Variants in ODAD1 observed in about 807,000 individuals in gnomAD.
ODAD1 encodes outer dynein arm-docking complex subunit 1.
ODAD1 carries 49 observed loss-of-function variants against 67.2 expected under a neutral mutation model. The observed-to-expected ratio is 0.73, with a 90% CI of 0.58 to 0.92. The LOEUF (loss-of-function observed/expected upper bound fraction) is 0.92, where lower values mean the gene tolerates loss of function less well. Ranked by LOEUF, ODAD1 falls within the 40% of genes least tolerant of loss-of-function variation. The pLI is 0.00. For missense variants in ODAD1, 897 were observed against 953.7 expected (o/e 0.94, Z 0.78); for synonymous variants, 345 against 393.7 (o/e 0.88, Z 1.46).
intron 8 of ODAD1, among the ~76,000 whole-genome samples, chr19:48,304,890 T>C (rs1968565287): frequency 7.2e-6 from 1 of 139,148 alleles, no homozygotes; most frequent in African/African-American, 3.0e-5. Flanking sequence ...CGGTGGCAGG[T>C]AGTTTTCCTT....
Position 48,296,998 on chromosome 19 carries a change from G to A in ODAD1, c.2102C>T (p.Thr701Ile). 2 of 1,606,388 alleles carry A rather than the reference G, an allele frequency of 1.2e-6. No homozygotes were observed. Among genetic ancestry groups the A allele is most frequent in the South Asian group, 1.1e-5 (1 of 90,562 alleles). The change falls in exon 16 of 16, where the codon ACC becomes ATC. Residue 701 changes from threonine (T) to isoleucine (I), a missense_variant. Physicochemically the swap from Thr to Ile is moderately conservative, Grantham distance 89. Coordinates refer to ENST00000674294, the MANE Select transcript of ODAD1 (RefSeq NM_001364171.2). ...PASSTGPGSS[T>I]SKDSRG ...GTGTTAGCCCCGGGAGTCTTTGCTGGTGGAGGAGCCCGGGCCAGTGCTGGA... is the reference window on the plus strand; with the variant it reads ...GTGTTAGCCCCGGGAGTCTTTGCTGATGGAGGAGCCCGGGCCAGTGCTGGA...
chr19:48,301,998 T>C (rs558867074), intron 12 of ODAD1, among the ~76,000 whole-genome samples: 3 of 145,780 alleles, frequency 2.1e-5, no homozygotes, highest in East Asian at 4.1e-4. Context: ...GATGGAGAGA[T>C]AGATATAGGA....
intron 7 of ODAD1, among the ~76,000 whole-genome samples, chr19:48,308,178 C>CTT (rs1293767714): frequency 7.0e-6 from 1 of 143,548 alleles, no homozygotes; most frequent in African/African-American, 2.5e-5. Context: ...TTCCTTTTTG[C>CTT]TTTTTTTTTT....
rs988905041 is a variant in ODAD1, at chr19:48,296,848, G to A, written c.*128C>T. 1 of 1,434,326 alleles carries A rather than the reference G, an allele frequency of 7.0e-7. No individual in the cohort carries two copies. Among genetic ancestry groups the A allele is most frequent in the Non-Finnish European group, 9.1e-7 (1 of 1,100,736 alleles). 88.8% of individuals were successfully genotyped at this position (1,434,326 alleles called of 1,614,324 possible). On this transcript the variant is annotated 3_prime_UTR_variant, in exon 16 of 16. Transcript: ENST00000674294. The stretch of plus-strand genomic sequence containing the variant: ...AAGGGCAGATGAAAACAGTTGAAGG[G>A]GCAAAAAGACAGAGGCCTGCCACTG...
intron 12 of ODAD1, among the ~76,000 whole-genome samples, chr19:48,302,068 C>CTGGATGGATGGATGGATGGG (rs1968477067): frequency 6.9e-6 from 1 of 145,854 alleles, no homozygotes; most frequent in Admixed American, 6.8e-5. Flanking sequence ...GGAATAGACC[C>CTGGATGGATGGATGGATGGG]TGGATGGATG....
chr19:48,308,864 G>C (rs993240242), intron 7 of ODAD1, among the ~76,000 whole-genome samples: 5 of 152,166 alleles, frequency 3.3e-5, no homozygotes, highest in Non-Finnish European at 5.9e-5. Context: ...CTGCCCTCCC[G>C]GGTGCAGCTG....
At chr19:48,320,071 C>A in intron 3 of ODAD1, 1 of 1,071,484 alleles carries the variant, frequency 9.3e-7, no homozygotes, top group Non-Finnish European at 1.1e-6. Flanking sequence ...ACAGGGAGTT[C>A]TGGGCCCCAC....
rs773411120 is a variant in ODAD1, at chr19:48,303,062, A to T, written c.1022T>A (p.Ile341Asn). 1.1e-5 allele frequency: 17 copies of T among 1,614,016 alleles called. No individual in the cohort carries two copies. Among genetic ancestry groups the T allele is most frequent in the Admixed American group, 1.7e-5 (1 of 59,998 alleles). ...EERNFAEFNF[I>N]NEQNLELEHV... ...CTCCAGCTCCAAGTTCTGCTCGTTG[A>T]TGAAGTTGAACTCAGCAAAGTTGCG... The change falls in exon 11 of 16, where the codon ATC becomes AAC. Residue 341 changes from isoleucine to asparagine, a missense_variant. Physicochemically the swap from Ile to Asn is moderately radical, Grantham distance 149. Transcript: ENST00000674294.
chr19:48,298,734 T>C (rs1257947665), intron 12 of ODAD1, among the ~76,000 whole-genome samples: 1 of 152,198 alleles, frequency 6.6e-6, no homozygotes, highest in African/African-American at 2.4e-5. Context: ...CCACAAATTA[T>C]GGTCTTGCAC....
chr19:48,314,409 A>T (rs1360751016), intron 5 of ODAD1, among the ~76,000 whole-genome samples: 1 of 152,212 alleles, frequency 6.6e-6, no homozygotes, highest in African/African-American at 2.4e-5. Context: ...ACTTTGTCAT[A>T]GCAGCCCTAA....
At position 48,304,987 on chromosome 19, in the gene ODAD1, G is replaced by A. The variant is rs79833004; in HGVS notation, c.666-847C>T. ...TGTACTAAATGCTGCTACATTCTACGCTTTAAAATGGTGAATTTTGCCACG... is the reference window on the plus strand; with the variant it reads ...TGTACTAAATGCTGCTACATTCTACACTTTAAAATGGTGAATTTTGCCACG... On this transcript the variant is annotated intron_variant, in intron 8 of 15. Transcript: ENST00000674294. Among the ~76,000 whole-genome samples the A allele has an allele frequency of 9.0e-3, 1,371 of 152,226 alleles. 20 individuals carry two copies. Among genetic ancestry groups the A allele is most frequent in the African/African-American group, 0.031 (1,307 of 41,520 alleles).
At position 48,320,364 on chromosome 19, in the gene ODAD1, G is replaced by A; in HGVS notation, c.5C>T (p.Pro2Leu). 3.1e-6 allele frequency: 4 copies of A among 1,288,904 alleles called. No homozygotes were observed. Among genetic ancestry groups the A allele is most frequent in the Non-Finnish European group, 3.0e-6 (3 of 988,322 alleles). 79.8% of individuals were successfully genotyped at this position (1,288,904 alleles called of 1,614,324 possible). A position where few individuals can be genotyped will look rare whatever the true frequency, so the allele number is the denominator to read the frequency against. The change falls in exon 3 of 16, where the codon CCT becomes CTT. Residue 2 changes from proline (P) to leucine (L), a missense_variant. Physicochemically the swap from Pro to Leu is moderately conservative, Grantham distance 98. Coordinates refer to ENST00000674294, the MANE Select transcript of ODAD1 (RefSeq NM_001364171.2). M[P>L]LGRLAGSARS... ...GGCGCTCCCTGCCAAGCGTCCCAAAGGCATCCTGGCCAAACAGGGTGGGGC... is the reference window on the plus strand; with the variant it reads ...GGCGCTCCCTGCCAAGCGTCCCAAAAGCATCCTGGCCAAACAGGGTGGGGC...
intron 5 of ODAD1, among the ~76,000 whole-genome samples, chr19:48,314,012 A>G (rs1034442733): frequency 3.3e-5 from 5 of 151,920 alleles, no homozygotes; most frequent in Non-Finnish European, 4.4e-5. Context: ...GGAGGCTGAG[A>G]TGGGTGGATA....
chr19:48,298,745 C>T (rs1968375990), intron 12 of ODAD1, among the ~76,000 whole-genome samples: 1 of 152,166 alleles, frequency 6.6e-6, no homozygotes, highest in African/African-American at 2.4e-5. Flanking sequence ...GGTCTTGCAC[C>T]CCAGACTGAG....
At chr19:48,315,005 T>C (rs188494867) in intron 5 of ODAD1, among the ~76,000 whole-genome samples, 64 of 152,110 alleles carry the variant, frequency 4.2e-4, no homozygotes, top group African/African-American at 1.4e-3. Flanking sequence ...TGCAGCAAAG[T>C]GTACAAGGGA....
In ODAD1 at chr19:48,298,368, G is replaced by A. The variant is rs954925130; in HGVS notation, c.1241-28C>T. 6.2e-6 allele frequency: 10 copies of A among 1,611,600 alleles called. 1 individual carries two copies. Among genetic ancestry groups the A allele is most frequent in the Non-Finnish European group, 1.7e-6 (2 of 1,178,580 alleles). ...GCGTCATGGAGGGCCGGTTGTCAGG[G>A]ATCTGGCACCGCCAGCTGGGTGCCA... On this transcript the variant is annotated intron_variant, in intron 12 of 15. Coordinates refer to ENST00000674294, the MANE Select transcript of ODAD1 (RefSeq NM_001364171.2).
At chr19:48,311,005 G>A (rs892832192) in intron 7 of ODAD1, among the ~76,000 whole-genome samples, 4 of 152,168 alleles carry the variant, frequency 2.6e-5, no homozygotes, top group Admixed American at 6.6e-5. Context: ...GAGGTCAGGA[G>A]ATCGAGACCA....
chr19:48,318,877 A>C, intron 3 of ODAD1, 65 bp from the exon 4 acceptor site: 14 of 1,021,510 alleles, frequency 1.4e-5, no homozygotes, highest in Non-Finnish European at 2.1e-5. Context: ...CCAACCCAGG[A>C]CCTAGGAATT....
intron 10 of ODAD1, 44 bp downstream of exon 10, chr19:48,303,606 G>A: frequency 6.2e-7 from 1 of 1,611,960 alleles, no homozygotes. Flanking sequence ...CTCAGGGGGT[G>A]CCGGGGTCCC....
Sources: allele counts gnomAD v4.1 joint callset (sites outside exome capture counted in the v4.1 genomes callset), GRCh38; gene constraint gnomAD v4.1.1; transcripts MANE v1.5; gene names NCBI Gene and HGNC (gene_info 2026-07-23, HGNC 2026-07-21).